The following CACNA1A variants were observed in gnomAD, a reference collection of about 807,000 sequenced individuals.
The protein encoded by CACNA1A is voltage-dependent P/Q-type calcium channel subunit alpha-1A.
A neutral mutation model predicts 262.4 loss-of-function variants in CACNA1A; 57 were observed. The observed-to-expected ratio is 0.22, with a 90% CI of 0.18 to 0.27. The LOEUF (loss-of-function observed/expected upper bound fraction) is 0.27, where lower values mean the gene tolerates loss of function less well. CACNA1A is among the 10% of genes least tolerant of loss of function. The pLI, the probability that CACNA1A is intolerant of heterozygous loss-of-function variation, is 1.00. For synonymous variants in CACNA1A, 1,431 were observed against 1,419.3 expected, an observed-to-expected ratio of 1.01 and a Z score of -0.18; for missense variants, 2,526 against 3,562.8, an observed-to-expected ratio of 0.71 and a Z score of 7.41.
chr19:13,505,955 G>A lies in CACNA1A; in HGVS notation c.270C>T (p.Tyr90=), dbSNP rs371957971. The A allele has an allele frequency of 1.2e-5, 20 of 1,613,450 alleles. No homozygotes were observed. The highest frequency in any genetic ancestry group is 1.5e-5 in the Non-Finnish European group (18 of 1,179,770). ...ATGGCCATTCGGTGATCTTTTTGGC[G>A]TATTTTCTCACCACGTTGTCTTCGC... ...LFSEDNVVRK[Y]AKKITEWPPF... Residue 90 remains tyrosine (Y), a synonymous_variant, in exon 1 of 47, where the codon TAC becomes TAT. Transcript: ENST00000360228.
chr19:13,289,544 A>G (rs1402444915), intron 19 of CACNA1A, among the ~76,000 whole-genome samples: 1 of 152,172 alleles, frequency 6.6e-6, no homozygotes, highest in African/African-American at 2.4e-5. Flanking sequence ...TAACAGGAGT[A>G]GAACCTTCCC....
chr19:13,393,903 C>T (rs1441714899), intron 3 of CACNA1A, among the ~76,000 whole-genome samples: 4 of 151,302 alleles, frequency 2.6e-5, no homozygotes, highest in Non-Finnish European at 5.9e-5. Context: ...GCAACCTCTG[C>T]CTCCCAGATT....
intron 1 of CACNA1A, among the ~76,000 whole-genome samples, chr19:13,486,769 A>G (rs371424480): frequency 1.3e-5 from 2 of 150,540 alleles, no homozygotes; most frequent in East Asian, 2.0e-4. Context: ...TTCCCTCACC[A>G]TTGCCTTCCT....
chr19:13,465,082 C>G (rs755434428), intron 1 of CACNA1A, among the ~76,000 whole-genome samples: 1 of 152,034 alleles, frequency 6.6e-6, no homozygotes, highest in Admixed American at 6.6e-5. Flanking sequence ...GCGTGCAGCA[C>G]CATACCTGGC....
intron 1 of CACNA1A, among the ~76,000 whole-genome samples, chr19:13,480,228 A>C (rs1599347549): frequency 6.6e-6 from 1 of 151,536 alleles, no homozygotes; most frequent in Non-Finnish European, 1.5e-5. Context: ...CTCCCCTTCC[A>C]CCTCCACCTC....
At chr19:13,333,402 A>G (rs905930866) in intron 8 of CACNA1A, among the ~76,000 whole-genome samples, 1 of 150,780 alleles carries the variant, frequency 6.6e-6, no homozygotes, top group Non-Finnish European at 1.5e-5. Context: ...TCCTTAGAGA[A>G]GCCTTCCCTG....
At chr19:13,271,669 T>C (rs140505932) in intron 24 of CACNA1A, 12 of 152,284 alleles carry the variant, frequency 7.9e-5, no homozygotes, top group African/African-American at 2.2e-4. Context: ...AGCTCAACAA[T>C]TGAAAGGCTT....
intron 28 of CACNA1A, 134 bp downstream of exon 28, chr19:13,257,216 C>T: frequency 1.5e-6 from 1 of 663,752 alleles, no homozygotes; most frequent in Non-Finnish European, 2.6e-6. Context: ...GCCCTGAAGA[C>T]TGGATTCGGT....
chr19:13,209,418 C>G lies in CACNA1A; in HGVS notation c.6420G>C (p.Leu2140=). The G allele has an allele frequency of 7.2e-7, 1 of 1,393,234 alleles. No homozygotes were observed. Among genetic ancestry groups the G allele is most frequent in the African/African-American group, 1.5e-5 (1 of 67,508 alleles). The allele number at this position is 1,393,234 out of a possible 1,614,324, so 86.3% of individuals were successfully genotyped here. A position where few individuals can be genotyped will look rare whatever the true frequency, so the allele number is the denominator to read the frequency against. Residue 2140 remains leucine (L), a synonymous_variant, in exon 45 of 47, where the codon CTG becomes CTC. Coordinates refer to ENST00000360228, the MANE Select transcript of CACNA1A (RefSeq NM_001127222.2). The stretch of plus-strand genomic sequence containing the variant: ...GGTTCTCCTCGGGCGGGACCCGCTC[C>G]AGCGAGTAATCGTCCAGGCGTCGGG... ...PKARRLDDYS[L]ERVPPEENQR...
chr19:13,375,180 G>A (rs549089496), intron 3 of CACNA1A, among the ~76,000 whole-genome samples: 15 of 151,882 alleles, frequency 9.9e-5, no homozygotes, highest in Non-Finnish European at 2.2e-4. Context: ...CATCTGTTAT[G>A]GTGGTCTGTG....
intron 4 of CACNA1A, chr19:13,371,078 A>G (rs4926281): frequency 0.16 from 24,978 of 152,132 alleles, 3,055 homozygotes; most frequent in East Asian, 0.48. Context: ...TTTAGAGCTC[A>G]TTACTGTCCA....
chr19:13,506,450 C>G lies in CACNA1A; in HGVS notation c.-226G>C, dbSNP rs1983059108. Reference sequence around the variant, plus strand: ...GCCCGGGCCGAGCCGGGGATAGCAGCTCGGGACATCTTCCTGGCTGACCCC... The same window carrying G: ...GCCCGGGCCGAGCCGGGGATAGCAGGTCGGGACATCTTCCTGGCTGACCCC... On this transcript the variant is annotated 5_prime_UTR_variant, in exon 1 of 47. Transcript: ENST00000360228. The G allele has an allele frequency of 2.8e-6, 1 of 355,602 alleles. No individual in the cohort carries two copies. The highest frequency in any genetic ancestry group is 1.4e-4 in the South Asian group (1 of 7,330). 22.0% of individuals were successfully genotyped at this position (355,602 alleles called of 1,614,324 possible).
Position 13,207,405 on chromosome 19 carries a change from A to T in CACNA1A, c.7429T>A (p.Tyr2477Asn). Reference sequence around the variant, plus strand: ...GGCCTGGCCAGTCCGTGCGCCGGGTAGTAGCCGTTGGGGAGTCGCCGGCCG... The same window carrying T: ...GGCCTGGCCAGTCCGTGCGCCGGGTTGTAGCCGTTGGGGAGTCGCCGGCCG... ...RHGRRLPNGYYPAHGLARPRG... is the reference protein window; with the variant it reads ...RHGRRLPNGYNPAHGLARPRG... The change falls in exon 47 of 47, where the codon TAC (tyrosine) becomes AAC (asparagine). Residue 2477 changes from tyrosine (Y) to asparagine (N), a missense_variant. Transcript: ENST00000360228. This position sits in a 1 kb window ranked among gnomAD's most constrained non-coding sequence, Gnocchi z 5.7. 6.5e-7 allele frequency: 1 copy of T among 1,535,120 alleles called. No homozygotes were observed. The highest frequency in any genetic ancestry group is 1.2e-5 in the South Asian group (1 of 84,808).
intron 38 of CACNA1A, among the ~76,000 whole-genome samples, chr19:13,218,950 T>C (rs1235541411): frequency 6.6e-6 from 1 of 152,092 alleles, no homozygotes; most frequent in East Asian, 1.9e-4. Context: ...GCCAGGCTGG[T>C]CTCAAACTTG....
intron 6 of CACNA1A, among the ~76,000 whole-genome samples, chr19:13,348,798 T>C (rs1441879141): frequency 2.6e-5 from 4 of 152,062 alleles, no homozygotes. Context: ...ATCACGCCAC[T>C]GTACTCCAGC....
intron 29 of CACNA1A, among the ~76,000 whole-genome samples, chr19:13,253,763 G>A (rs1230003043): frequency 1.3e-5 from 2 of 149,054 alleles, no homozygotes; most frequent in South Asian, 2.1e-4. Flanking sequence ...TTTTTGAGAC[G>A]GAGTCTCACT....
chr19:13,473,036 T>A (rs577199286), intron 1 of CACNA1A, among the ~76,000 whole-genome samples: 1 of 152,218 alleles, frequency 6.6e-6, no homozygotes, highest in East Asian at 1.9e-4. Flanking sequence ...GAGGATCACT[T>A]GAGCCCAGAA....
chr19:13,413,094 TTTTTTG>T (rs1471115381), intron 3 of CACNA1A, among the ~76,000 whole-genome samples: 1 of 102,722 alleles, frequency 9.7e-6, no homozygotes, highest in Non-Finnish European at 1.8e-5. Context: ...CTACAAAAAG[TTTTTTG>T]TTTTTTTTTT....
At chr19:13,410,540 C>CT (rs113290275) in intron 3 of CACNA1A, among the ~76,000 whole-genome samples, 5,439 of 120,670 alleles carry the variant, frequency 0.045, 174 homozygotes, top group South Asian at 0.11. Context: ...ATTCTTTTTT[C>CT]TTTTTTTTTT....
Sources: allele counts gnomAD v4.1 joint callset (sites outside exome capture counted in the v4.1 genomes callset), GRCh38; gene constraint gnomAD v4.1.1; non-coding constraint Gnocchi (gnomAD v3.1); transcripts MANE v1.5; gene names NCBI Gene and HGNC (gene_info 2026-07-23, HGNC 2026-07-21).